The following MAGI2 variants were observed in gnomAD, a reference collection of about 807,000 sequenced individuals.
The protein encoded by MAGI2 is membrane associated guanylate kinase, WW and PDZ domain containing 2.
Under a neutral mutation model 133.3 loss-of-function variants are expected in MAGI2, and 35 were observed. The ratio of observed to expected loss-of-function variants is 0.26; its 90% confidence interval spans 0.20 to 0.35. MAGI2 has a LOEUF of 0.35. Ranked by LOEUF, MAGI2 falls within the 10% of genes least tolerant of loss-of-function variation. The probability of loss-of-function intolerance (pLI) is 1.00; values close to 1 mark genes in which losing one functional copy is unlikely to be tolerated. For synonymous variants in MAGI2, 729 were observed against 710.6 expected (o/e 1.03, Z -0.41); for missense variants, 1,636 against 1,863.4 (o/e 0.88, Z 2.25).
chr7:78,957,091 C>T (rs111676333), intron 2 of MAGI2, among the ~76,000 whole-genome samples: 12 of 151,866 alleles, frequency 7.9e-5, no homozygotes, highest in African/African-American at 2.9e-4. Flanking sequence ...GGGTGAAACC[C>T]TGTCTCTACT....
intron 6 of MAGI2, among the ~76,000 whole-genome samples, chr7:78,412,675 G>A (rs1197281004): frequency 1.3e-5 from 2 of 152,046 alleles, no homozygotes; most frequent in Non-Finnish European, 2.9e-5. Flanking sequence ...AACAGAAGAT[G>A]AAATTGCAAC....
chr7:78,780,100 G>C (rs576481471), intron 2 of MAGI2, among the ~76,000 whole-genome samples: 1 of 152,234 alleles, frequency 6.6e-6, no homozygotes, highest in Non-Finnish European at 1.5e-5. Flanking sequence ...ATGGAAACTT[G>C]AGAAAAGAAT....
chr7:78,365,979 T>C (rs1793338143), intron 7 of MAGI2, among the ~76,000 whole-genome samples: 1 of 152,208 alleles, frequency 6.6e-6, no homozygotes, highest in Admixed American at 6.5e-5. Flanking sequence ...TGAAGAGAGG[T>C]GCTAACTGCT....
intron 1 of MAGI2, among the ~76,000 whole-genome samples, chr7:79,429,961 G>T (rs369123397): frequency 2.0e-5 from 3 of 151,754 alleles, no homozygotes; most frequent in East Asian, 1.9e-4. Context: ...AAAATAAGAT[G>T]GTGCTAATCG....
chr7:78,789,274 A>G (rs1008779552), intron 2 of MAGI2, among the ~76,000 whole-genome samples: 2 of 152,186 alleles, frequency 1.3e-5, no homozygotes, highest in African/African-American at 2.4e-5. Context: ...ACAAACATAT[A>G]TTTGATTAAT....
At chr7:79,369,802 G>A (rs73157855) in intron 1 of MAGI2, among the ~76,000 whole-genome samples, 22,106 of 151,978 alleles carry the variant, frequency 0.15, 1,712 homozygotes, top group South Asian at 0.25. Context: ...TCCACTGCAC[G>A]AATTAATAGT....
chr7:78,583,953 A>G (rs115966043), intron 3 of MAGI2, among the ~76,000 whole-genome samples: 104 of 152,340 alleles, frequency 6.8e-4, no homozygotes, highest in African/African-American at 2.4e-3. Flanking sequence ...ATTGAGCTCA[A>G]ATACCCTTCT....
intron 6 of MAGI2, among the ~76,000 whole-genome samples, chr7:78,417,218 GTTATT>G (rs1222504348): frequency 2.0e-5 from 3 of 151,706 alleles, no homozygotes; most frequent in African/African-American, 4.8e-5. Context: ...CTGAAAGACT[GTTATT>G]TTATTTTGAA....
At chr7:78,481,286 A>G (rs2150459017) in intron 6 of MAGI2, among the ~76,000 whole-genome samples, 1 of 152,066 alleles carries the variant, frequency 6.6e-6, no homozygotes, top group East Asian at 1.9e-4. Context: ...GGAAGCAGAC[A>G]CATCTTACAT....
chr7:78,969,205 G>T lies in MAGI2; in HGVS notation c.418+37885C>A, dbSNP rs1803577480. On this transcript the variant is annotated intron_variant, in intron 2 of 21. Transcript: ENST00000354212. Reference sequence around the variant, plus strand: ...TAGTAGCTGTATTTGCACAGTAAAAGATTAGGGTAGGAGGGCCAGTCTTTT... The same window carrying T: ...TAGTAGCTGTATTTGCACAGTAAAATATTAGGGTAGGAGGGCCAGTCTTTT... Among the ~76,000 whole-genome samples the T allele has an allele frequency of 2.0e-5, 3 of 151,652 alleles. No homozygotes were observed. In the South Asian group the frequency reaches 6.3e-4, roughly 32 times the overall value.
chr7:78,673,279 T>TGA (rs1814607535), intron 2 of MAGI2, among the ~76,000 whole-genome samples: 1 of 151,912 alleles, frequency 6.6e-6, no homozygotes, highest in South Asian at 2.1e-4. Flanking sequence ...TGTGTGTGTA[T>TGA]ATTCACACAC....
At chr7:78,344,028 G>A (rs576129088) in intron 8 of MAGI2, 68 bp from the exon 9 acceptor site, 1 of 1,449,792 alleles carries the variant, frequency 6.9e-7, no homozygotes, top group Non-Finnish European at 9.5e-7. Context: ...ACAAGAGAAA[G>A]CCAGCCCCTG....
At chr7:78,536,389 G>T (rs141612376) in intron 3 of MAGI2, among the ~76,000 whole-genome samples, 6,808 of 152,024 alleles carry the variant, frequency 0.045, 597 homozygotes, top group East Asian at 0.39. Flanking sequence ...TGGGATTACA[G>T]GCGTGAGCCA....
At chr7:78,059,372 G>C (rs1313481194) in intron 21 of MAGI2, among the ~76,000 whole-genome samples, 2 of 152,222 alleles carry the variant, frequency 1.3e-5, no homozygotes. Context: ...TATGATGCTT[G>C]AGAACTTTCT....
intron 6 of MAGI2, among the ~76,000 whole-genome samples, chr7:78,480,928 A>C (rs1367645854): frequency 6.6e-6 from 1 of 151,950 alleles, no homozygotes; most frequent in African/African-American, 2.4e-5. Context: ...AGGCTTAAAT[A>C]ATTGGAAGGG....
chr7:78,320,832 T>G (rs1251887879), intron 9 of MAGI2, among the ~76,000 whole-genome samples: 11 of 152,092 alleles, frequency 7.2e-5, no homozygotes, highest in African/African-American at 7.2e-5. Context: ...GAAGTCAAAT[T>G]GTCTCTTCTT....
At chr7:79,265,429 C>T (rs1268969751) in intron 1 of MAGI2, among the ~76,000 whole-genome samples, 2 of 152,068 alleles carry the variant, frequency 1.3e-5, no homozygotes, top group African/African-American at 4.8e-5. Context: ...CCACCATTAC[C>T]CAAAGCAAAT....
At chr7:78,078,827 T>C (rs748761874) in intron 21 of MAGI2, 120 bp downstream of exon 21, 4 of 1,073,156 alleles carry the variant, frequency 3.7e-6, no homozygotes, top group East Asian at 2.4e-5. Flanking sequence ...TATATACCTA[T>C]TGATAGCTAA....
intron 1 of MAGI2, among the ~76,000 whole-genome samples, chr7:79,259,683 T>C (rs559193623): frequency 1.3e-5 from 2 of 152,308 alleles, no homozygotes; most frequent in East Asian, 3.9e-4. Flanking sequence ...GAATTTTTTG[T>C]TCCAGTAATA....
Sources: gnomAD v4.1 joint callset for allele counts (sites outside exome capture counted in the v4.1 genomes callset) on GRCh38, gnomAD v4.1.1 for gene constraint, MANE v1.5 for transcripts, NCBI Gene and HGNC (gene_info 2026-07-23, HGNC 2026-07-21) for gene names.